GRM8: variants seen among roughly 807,000 people sequenced by gnomAD.
GRM8 encodes the protein glutamate metabotropic receptor 8, also known as metabotropic glutamate receptor 8.
In GRM8, 47 loss-of-function variants were observed where a neutral mutation model predicts 87.2. The observed-to-expected ratio is 0.54, with a 90% CI of 0.43 to 0.69. The LOEUF (loss-of-function observed/expected upper bound fraction) is 0.69. GRM8 is among the 30% of genes least tolerant of loss of function. The pLI is 0.00. For missense variants in GRM8, 1,019 were observed against 1,139.2 expected (o/e 0.89, Z 1.52); for synonymous variants, 396 against 404.5 (o/e 0.98, Z 0.25).
At chr7:127,130,419 A>G (rs1213012159) in intron 2 of GRM8, among the ~76,000 whole-genome samples, 4 of 152,198 alleles carry the variant, frequency 2.6e-5, no homozygotes, top group Non-Finnish European at 5.9e-5. Context: ...TTTGACAAAA[A>G]TGCTGATAGT....
At chr7:126,930,162 T>G (rs537308688) in intron 3 of GRM8, among the ~76,000 whole-genome samples, 61 of 152,316 alleles carry the variant, frequency 4.0e-4, no homozygotes, top group African/African-American at 1.4e-3. Context: ...TGATTAAGAA[T>G]GAAGACTCTC....
intron 7 of GRM8, among the ~76,000 whole-genome samples, chr7:126,667,588 T>C (rs1300971314): frequency 6.6e-6 from 1 of 152,226 alleles, no homozygotes; most frequent in Non-Finnish European, 1.5e-5. Flanking sequence ...AATCTGACAA[T>C]GGACTTCCAA....
At chr7:126,695,228 GTTA>G (rs1364472822) in intron 7 of GRM8, among the ~76,000 whole-genome samples, 1 of 152,040 alleles carries the variant, frequency 6.6e-6, no homozygotes, top group Non-Finnish European at 1.5e-5. Flanking sequence ...AGGGAATTCT[GTTA>G]TTATTATGAA....
chr7:126,997,546 GAA>G (rs553005806), intron 3 of GRM8, among the ~76,000 whole-genome samples: 1 of 82,050 alleles, frequency 1.2e-5, no homozygotes, highest in Non-Finnish European at 2.4e-5. Flanking sequence ...GCCAGACTAA[GAA>G]AAAAAAAAAA....
chr7:126,708,769 G>T (rs921143587), intron 7 of GRM8, among the ~76,000 whole-genome samples: 1 of 152,068 alleles, frequency 6.6e-6, no homozygotes, highest in African/African-American at 2.4e-5. Context: ...ACTCATGGAG[G>T]TAGAGAGTAC....
At chr7:127,090,230 C>A (rs376481555) in intron 3 of GRM8, among the ~76,000 whole-genome samples, 1 of 152,204 alleles carries the variant, frequency 6.6e-6, no homozygotes, top group African/African-American at 2.4e-5. Flanking sequence ...CCATATCTCT[C>A]CAAATCAAAT....
chr7:127,127,044 T>A (rs1184945133), intron 2 of GRM8, among the ~76,000 whole-genome samples: 2 of 152,058 alleles, frequency 1.3e-5, no homozygotes, highest in African/African-American at 2.4e-5. Context: ...CTTACTAGAA[T>A]TCCTAAAGGT....
intron 9 of GRM8, among the ~76,000 whole-genome samples, chr7:126,519,818 AT>A (rs1218601827): frequency 6.6e-6 from 1 of 152,158 alleles, no homozygotes; most frequent in East Asian, 1.9e-4. Flanking sequence ...GCATCTTAAA[AT>A]TAAACAGATT....
At chr7:126,531,309 T>C (rs1169011694) in intron 9 of GRM8, among the ~76,000 whole-genome samples, 1 of 152,208 alleles carries the variant, frequency 6.6e-6, no homozygotes, top group Non-Finnish European at 1.5e-5. Flanking sequence ...TTCAACTATA[T>C]TATAAATACA....
chr7:126,494,760 A>G (rs1808485606), intron 9 of GRM8, among the ~76,000 whole-genome samples: 1 of 152,082 alleles, frequency 6.6e-6, no homozygotes, highest in Non-Finnish European at 1.5e-5. Flanking sequence ...AAAATGCAGA[A>G]TTTCAAATTG....
intron 7 of GRM8, among the ~76,000 whole-genome samples, chr7:126,768,136 G>C (rs1209122927): frequency 1.3e-5 from 2 of 151,874 alleles, no homozygotes; most frequent in African/African-American, 2.4e-5. Flanking sequence ...CTATATTAGG[G>C]AAATGTCCAC....
intron 7 of GRM8, among the ~76,000 whole-genome samples, chr7:126,746,779 A>G (rs1214769972): frequency 6.6e-6 from 1 of 151,758 alleles, no homozygotes; most frequent in Non-Finnish European, 1.5e-5. Context: ...AAATTTTTAG[A>G]TATTTAAATA....
At chr7:126,656,744 T>TG (rs5887302) in intron 7 of GRM8, among the ~76,000 whole-genome samples, 81,391 of 151,938 alleles carry the variant, frequency 0.54, 23,309 homozygotes, top group African/African-American at 0.73. Flanking sequence ...AGTTAACAGT[T>TG]GGACAGAGAG....
intron 9 of GRM8, among the ~76,000 whole-genome samples, chr7:126,507,738 C>T (rs1229114798): frequency 1.3e-5 from 2 of 152,028 alleles, no homozygotes; most frequent in African/African-American, 4.8e-5. Flanking sequence ...CTGAATGGAA[C>T]ATCTGCTCTT....
At chr7:126,973,936 T>C (rs1210611232) in intron 3 of GRM8, among the ~76,000 whole-genome samples, 2 of 152,124 alleles carry the variant, frequency 1.3e-5, no homozygotes, top group African/African-American at 4.8e-5. Flanking sequence ...TTATGTAGGT[T>C]GAGTATCCCT....
At chr7:126,877,234 T>G (rs1424150441) in intron 6 of GRM8, among the ~76,000 whole-genome samples, 1 of 152,204 alleles carries the variant, frequency 6.6e-6, no homozygotes, top group Non-Finnish European at 1.5e-5. Flanking sequence ...TGCCTGCTTC[T>G]AAATATGTTT....
At chr7:126,607,288 A>G (rs1798455348) in intron 8 of GRM8, among the ~76,000 whole-genome samples, 1 of 152,226 alleles carries the variant, frequency 6.6e-6, no homozygotes, top group Non-Finnish European at 1.5e-5. Flanking sequence ...ATAGTTAGAA[A>G]CATAAGCTGT....
chr7:126,966,096 T>C (rs1729032837), intron 3 of GRM8, among the ~76,000 whole-genome samples: 2 of 152,220 alleles, frequency 1.3e-5, no homozygotes, highest in Non-Finnish European at 2.9e-5. Flanking sequence ...AGAAATGATT[T>C]ATGGGTATAG....
At chr7:126,569,697 T>C (rs1794534934) in intron 8 of GRM8, among the ~76,000 whole-genome samples, 1 of 152,204 alleles carries the variant, frequency 6.6e-6, no homozygotes, top group South Asian at 2.1e-4. Context: ...AGCGTGTCTT[T>C]TCCCACATCC....
Sources: gnomAD v4.1 joint callset for allele counts (sites outside exome capture counted in the v4.1 genomes callset) on GRCh38, gnomAD v4.1.1 for gene constraint, MANE v1.5 for transcripts, NCBI Gene and HGNC (gene_info 2026-07-23, HGNC 2026-07-21) for gene names.